MTAP: variants seen among roughly 807,000 people sequenced by gnomAD.
MTAP encodes methylthioadenosine phosphorylase.
Under a neutral mutation model 33.6 loss-of-function variants are expected in MTAP, and 33 were observed. The observed-to-expected ratio is 0.98, with a 90% CI of 0.74 to 1.31. The LOEUF (loss-of-function observed/expected upper bound fraction) is 1.31, where lower values mean the gene tolerates loss of function less well. Ranked by LOEUF, MTAP falls within the 40% of genes most tolerant of loss-of-function variation. MTAP has a pLI of 0.00. For synonymous variants in MTAP, 148 were observed against 125.7 expected, an observed-to-expected ratio of 1.18 and a Z score of -1.19; for missense variants, 367 against 360.0, an observed-to-expected ratio of 1.02 and a Z score of -0.16.
At chr9:21,868,507 T>C (rs1289115114), downstream of MTAP, among the ~76,000 whole-genome samples, 2 of 152,224 alleles carry the variant, frequency 1.3e-5, no homozygotes, top group Non-Finnish European at 2.9e-5. Flanking sequence ...TCCCTCACTG[T>C]TCTGTAAGCT....
rs117499800 is a variant in MTAP at position 21,879,177 on chromosome 9, T to G, written c.147+24307T>G. Among the ~76,000 whole-genome samples, 181 of 152,312 alleles carry G rather than the reference T, an allele frequency of 1.2e-3. 1 individual carries two copies. Among genetic ancestry groups the G allele is most frequent in the Non-Finnish European group, 2.1e-3 (140 of 68,024 alleles). Reference sequence around the variant, plus strand: ...GCTGAAGTCTCTCGCTAGTATTGTGTGGGAGTCTAAGTTTATTTGTTGGTC... The same window carrying G: ...GCTGAAGTCTCTCGCTAGTATTGTGGGGGAGTCTAAGTTTATTTGTTGGTC... On this transcript the variant is annotated intron_variant, in intron 1 of 1. Transcript: ENST00000577563.
chr9:21,918,305 C>A (rs1314782147), intron 1 of MTAP, among the ~76,000 whole-genome samples: 3 of 120,292 alleles, frequency 2.5e-5, no homozygotes, highest in African/African-American at 9.2e-5. Context: ...AGCAGAGATC[C>A]CGCCACTGCA....
At chr9:21,849,026 C>T (rs1373875718) in intron 5 of MTAP, among the ~76,000 whole-genome samples, 1 of 152,152 alleles carries the variant, frequency 6.6e-6, no homozygotes, top group Non-Finnish European at 1.5e-5. Flanking sequence ...CTACTGCATT[C>T]CTACTTAATT....
intron 5 of MTAP, among the ~76,000 whole-genome samples, chr9:21,851,057 G>A (rs1449333636): frequency 1.3e-5 from 2 of 152,168 alleles, no homozygotes; most frequent in African/African-American, 2.4e-5. Flanking sequence ...ATGGAATACA[G>A]GAGATCCATT....
In MTAP at chr9:21,863,046, A is replaced by G. The variant is rs111342676; in HGVS notation, c.*1032A>G. 5.2e-5 allele frequency: 51 copies of G among 985,456 alleles called. 1 individual carries two copies. In the African/African-American group the frequency reaches 7.1e-4, roughly 14 times the overall value. The allele number at this position is 985,456 out of a possible 1,614,324, so 61.0% of individuals were successfully genotyped here. ...AGGGAGTTACATCTTTATTCTGCTAAAGAAGAGGATCATTGATTTCTGTAC... is the reference window on the plus strand; with the variant it reads ...AGGGAGTTACATCTTTATTCTGCTAGAGAAGAGGATCATTGATTTCTGTAC... On this transcript the variant is annotated 3_prime_UTR_variant, in exon 8 of 8. Coordinates refer to ENST00000644715, the MANE Select transcript of MTAP (RefSeq NM_002451.4).
intron 1 of MTAP, among the ~76,000 whole-genome samples, chr9:21,895,149 C>T (rs985549534): frequency 1.3e-5 from 2 of 152,134 alleles, no homozygotes; most frequent in Non-Finnish European, 2.9e-5. Flanking sequence ...CTGCCAATGA[C>T]GTTTTTCATA....
At chr9:21,851,576 TTATG>T (rs1380622973) in intron 5 of MTAP, among the ~76,000 whole-genome samples, 2 of 152,184 alleles carry the variant, frequency 1.3e-5, no homozygotes, top group Non-Finnish European at 1.5e-5. Flanking sequence ...TATTTGAAGA[TTATG>T]TATGATCTCA....
At chr9:21,929,179 G>A (rs946263906) in intron 1 of MTAP, among the ~76,000 whole-genome samples, 1 of 152,038 alleles carries the variant, frequency 6.6e-6, no homozygotes, top group African/African-American at 2.4e-5. Context: ...GTCATGGAAA[G>A]GCCATGCAAC....
At chr9:21,880,855 C>G (rs1817995001) in intron 1 of MTAP, among the ~76,000 whole-genome samples, 1 of 151,998 alleles carries the variant, frequency 6.6e-6, no homozygotes, top group Non-Finnish European at 1.5e-5. Flanking sequence ...ACAGACTCAA[C>G]ACAATCCCTA....
chr9:21,896,978 TCAA>T (rs1818305926), intron 1 of MTAP, among the ~76,000 whole-genome samples: 1 of 152,208 alleles, frequency 6.6e-6, no homozygotes. Context: ...GCCAAAATCC[TCAA>T]TAAAATACTG....
At chr9:21,852,537 G>A (rs1825541337) in intron 5 of MTAP, among the ~76,000 whole-genome samples, 1 of 151,120 alleles carries the variant, frequency 6.6e-6, no homozygotes, top group Non-Finnish European at 1.5e-5. Context: ...TGATGTAATG[G>A]ACTTTGGGGC....
At chr9:21,868,689 G>C (rs1168163151), downstream of MTAP, among the ~76,000 whole-genome samples, 1 of 152,130 alleles carries the variant, frequency 6.6e-6, no homozygotes, top group Non-Finnish European at 1.5e-5. Flanking sequence ...ACTTTCAGCA[G>C]GTGACTTTAG....
intron 1 of MTAP, among the ~76,000 whole-genome samples, chr9:21,904,633 A>G (rs1818446069): frequency 6.6e-6 from 1 of 152,212 alleles, no homozygotes; most frequent in Non-Finnish European, 1.5e-5. Flanking sequence ...AAAATATATC[A>G]GCCAGTATGA....
intron 1 of MTAP, among the ~76,000 whole-genome samples, chr9:21,916,080 A>AAAGGAAGGAAGG (rs375102585): frequency 1.2e-3 from 137 of 117,036 alleles, no homozygotes; most frequent in South Asian, 4.5e-3. Context: ...GGGAGGAAGG[A>AAAGGAAGGAAGG]AAGGAAGGAA....
chr9:21,821,357 G>T (rs1332221103), intron 4 of MTAP, among the ~76,000 whole-genome samples: 3 of 152,152 alleles, frequency 2.0e-5, no homozygotes, highest in Non-Finnish European at 4.4e-5. Flanking sequence ...TTTGTCAAAG[G>T]CCTATTCTGC....
chr9:21,832,965 A>C (rs1825010726), intron 4 of MTAP, among the ~76,000 whole-genome samples: 1 of 152,168 alleles, frequency 6.6e-6, no homozygotes, highest in Admixed American at 6.5e-5. Flanking sequence ...ACCTATGTAG[A>C]GTGAGGATTT....
intron 5 of MTAP, among the ~76,000 whole-genome samples, chr9:21,847,274 T>C (rs1175886777): frequency 6.6e-6 from 1 of 152,190 alleles, no homozygotes; most frequent in Non-Finnish European, 1.5e-5. Context: ...TAAACTCCCA[T>C]TTATCTATCT....
intron 4 of MTAP, among the ~76,000 whole-genome samples, chr9:21,829,448 G>C (rs977009764): frequency 1.3e-5 from 2 of 148,750 alleles, no homozygotes; most frequent in Non-Finnish European, 3.0e-5. Flanking sequence ...GTTTTTTTGA[G>C]ACAGTCCCAC....
intron 6 of MTAP, 77 bp from the exon 7 acceptor site, chr9:21,859,226 T>C: frequency 6.5e-7 from 1 of 1,538,918 alleles, no homozygotes; most frequent in Non-Finnish European, 8.7e-7. Flanking sequence ...GTAGCAAGGC[T>C]GGAGCTCAGA....
Sources: allele counts gnomAD v4.1 joint callset (sites outside exome capture counted in the v4.1 genomes callset), GRCh38; gene constraint gnomAD v4.1.1; transcripts MANE v1.5; gene names NCBI Gene and HGNC (gene_info 2026-07-23, HGNC 2026-07-21).